RPGRIP1L: variants seen among roughly 807,000 people sequenced by gnomAD.
The protein encoded by RPGRIP1L is RPGRIP1 like, also known as protein fantom.
RPGRIP1L carries 131 observed loss-of-function variants against 160.4 expected under a neutral mutation model. The ratio of observed to expected loss-of-function variants is 0.82; its 90% CI spans 0.71 to 0.94. The LOEUF (loss-of-function observed/expected upper bound fraction) is 0.94, where lower values mean the gene tolerates loss of function less well. Among genes scored for constraint, RPGRIP1L ranks in the 40% least tolerant of loss-of-function variants. The pLI is 0.00. For missense variants in RPGRIP1L, 1,522 were observed against 1,535.8 expected, an observed-to-expected ratio of 0.99 and a Z score of 0.15; for synonymous variants, 510 against 515.8, an observed-to-expected ratio of 0.99 and a Z score of 0.15.
At chr16:53,629,382 T>TAGA (rs1243387866) in intron 22 of RPGRIP1L, among the ~76,000 whole-genome samples, 1 of 152,184 alleles carries the variant, frequency 6.6e-6, no homozygotes, top group Non-Finnish European at 1.5e-5. Context: ...ATAGAACTTC[T>TAGA]AATTCATTAG....
intron 9 of RPGRIP1L, among the ~76,000 whole-genome samples, chr16:53,668,066 C>CT (rs71144002): frequency 0.13 from 19,417 of 143,966 alleles, 1,606 homozygotes; most frequent in East Asian, 0.34. Context: ...TCTCTGTCTC[C>CT]TTTTTTTTTT....
intron 17 of RPGRIP1L, among the ~76,000 whole-genome samples, chr16:53,644,948 TAC>T (rs1460607639): frequency 1.3e-5 from 2 of 152,140 alleles, no homozygotes; most frequent in African/African-American, 4.8e-5. Context: ...AGTATAAATA[TAC>T]ATTTTATCTT....
At chr16:53,699,810 T>A (rs1025272306) in intron 2 of RPGRIP1L, among the ~76,000 whole-genome samples, 9 of 135,562 alleles carry the variant, frequency 6.6e-5, no homozygotes, top group African/African-American at 2.8e-4. Context: ...AGAGCGAGAC[T>A]TCGTCTCAAA....
chr16:53,652,781 C>T lies in RPGRIP1L; in HGVS notation c.1906G>A (p.Ala636Thr). Residue 636 changes from alanine to threonine, a missense_variant, in exon 15 of 27, where the codon GCT (alanine) becomes ACT (threonine). By Grantham distance (58) the Ala-to-Thr change is moderately conservative. Coordinates refer to ENST00000647211, the MANE Select transcript of RPGRIP1L (RefSeq NM_015272.5). Reference sequence around the variant, plus strand: ...GTCTGTAGTTCAAAATCATAGAAAGCATAGGTACAGAAAGTGACAGGCTCT... The same window carrying T: ...GTCTGTAGTTCAAAATCATAGAAAGTATAGGTACAGAAAGTGACAGGCTCT... ...DKEPVTFCTY[A>T]FYDFELQTTP... 4 of 1,614,084 alleles carry T rather than the reference C, an allele frequency of 2.5e-6. No homozygotes were observed. Among genetic ancestry groups the T allele is most frequent in the Non-Finnish European group, 3.4e-6 (4 of 1,179,988 alleles).
chr16:53,692,368 G>A lies in RPGRIP1L; in HGVS notation c.231-4C>T, dbSNP rs774628905. 1 of 1,612,876 alleles carries A rather than the reference G, an allele frequency of 6.2e-7. No homozygotes were observed. Among genetic ancestry groups the A allele is most frequent in the African/African-American group, 1.3e-5 (1 of 74,946 alleles). On this transcript the variant is annotated splice_region_variant and splice_polypyrimidine_tract_variant and intron_variant, in intron 3 of 26. Coordinates refer to ENST00000647211, the MANE Select transcript of RPGRIP1L (RefSeq NM_015272.5). ...CCGTATTAACTTGGTGGCCATTCTG[G>A]GGAAATAATAAAAAGATGAAAAGGA...
At chr16:53,619,803 T>A (rs988733462) in intron 23 of RPGRIP1L, among the ~76,000 whole-genome samples, 1 of 152,180 alleles carries the variant, frequency 6.6e-6, no homozygotes, top group Non-Finnish European at 1.5e-5. Context: ...AATTTGAACA[T>A]TTTCTCATAA....
chr16:53,680,320 C>T (rs1249536484), intron 6 of RPGRIP1L, among the ~76,000 whole-genome samples: 1 of 152,086 alleles, frequency 6.6e-6, no homozygotes, highest in East Asian at 1.9e-4. Context: ...ACAAGGTCTG[C>T]ATGGCTATCC....
chr16:53,673,939 T>G (rs1241107498), intron 7 of RPGRIP1L, among the ~76,000 whole-genome samples: 1 of 152,192 alleles, frequency 6.6e-6, no homozygotes. Context: ...CACTGTTAAA[T>G]AGAAATCAAA....
At chr16:53,657,969 TG>T (rs1013124235) in intron 12 of RPGRIP1L, among the ~76,000 whole-genome samples, 1 of 152,186 alleles carries the variant, frequency 6.6e-6, no homozygotes, top group Non-Finnish European at 1.5e-5. Context: ...GTAAAAGAAG[TG>T]TTTTTTTGTG....
chr16:53,654,478 A>G (rs1967082710), intron 14 of RPGRIP1L, among the ~76,000 whole-genome samples: 1 of 152,188 alleles, frequency 6.6e-6, no homozygotes. Context: ...TAAAGACTCC[A>G]TACCTACTGT....
chr16:53,653,766 T>C (rs1967005302), intron 14 of RPGRIP1L, among the ~76,000 whole-genome samples: 1 of 152,232 alleles, frequency 6.6e-6, no homozygotes, highest in Non-Finnish European at 1.5e-5. Context: ...ATTTTCTTAG[T>C]CTACATATTC....
intron 10 of RPGRIP1L, among the ~76,000 whole-genome samples, chr16:53,662,550 G>C (rs542984994): frequency 4.7e-4 from 71 of 152,196 alleles, no homozygotes; most frequent in Admixed American, 1.5e-3. Context: ...ACACTTCAAA[G>C]TAAAATTAAA....
At chr16:53,629,099 G>C (rs1265745129) in intron 22 of RPGRIP1L, among the ~76,000 whole-genome samples, 1 of 152,074 alleles carries the variant, frequency 6.6e-6, no homozygotes, top group Non-Finnish European at 1.5e-5. Context: ...AGGTGATTTT[G>C]ATATGCTACT....
chr16:53,603,307 A>G (rs1963480826), intron 26 of RPGRIP1L, among the ~76,000 whole-genome samples: 1 of 152,212 alleles, frequency 6.6e-6, no homozygotes, highest in Non-Finnish European at 1.5e-5. Flanking sequence ...GATAGCACTT[A>G]TCACTTATGA....
chr16:53,618,718 A>AT (rs923089039), intron 24 of RPGRIP1L, among the ~76,000 whole-genome samples: 26 of 150,664 alleles, frequency 1.7e-4, no homozygotes, highest in South Asian at 4.2e-4. Context: ...TAATTTTTGT[A>AT]TTTTTTTTTG....
In RPGRIP1L at chr16:53,696,275, T is replaced by C. The variant is rs867836079; in HGVS notation, c.106A>G (p.Met36Val). Residue 36 changes from methionine to valine, a missense_variant, in exon 3 of 27, where the codon ATG becomes GTG. By Grantham distance (21) the Met-to-Val change is conservative. Coordinates refer to ENST00000647211, the MANE Select transcript of RPGRIP1L (RefSeq NM_015272.5). Reference sequence around the variant, plus strand: ...CGTGACACTGCCTGGCGAGACTTCATTGTCCGTGTTGTTGAAGTTTCTGCA... The same window carrying C: ...CGTGACACTGCCTGGCGAGACTTCACTGTCCGTGTTGTTGAAGTTTCTGCA... ...GLQETSTTRT[M>V]KSRQAVSRVS... 3.7e-6 allele frequency: 6 copies of C among 1,613,938 alleles called. No homozygotes were observed. Among genetic ancestry groups the C allele is most frequent in the African/African-American group, 1.3e-5 (1 of 74,916 alleles).
At chr16:53,605,711 G>T in intron 25 of RPGRIP1L, 97 bp from the exon 26 acceptor site, 2 of 1,252,442 alleles carry the variant, frequency 1.6e-6, no homozygotes, top group Non-Finnish European at 2.3e-6. Flanking sequence ...GGTATAAAAT[G>T]TTAAAGTTTC....
At chr16:53,602,218 T>C (rs1173098242) in intron 26 of RPGRIP1L, 30 bp from the exon 27 acceptor site, 1 of 1,448,104 alleles carries the variant, frequency 6.9e-7, no homozygotes, top group South Asian at 1.1e-5. Flanking sequence ...AAAGTGTTAA[T>C]ATCATTCAAC....
chr16:53,676,491 C>T (rs1387850665), intron 6 of RPGRIP1L, among the ~76,000 whole-genome samples: 1 of 151,870 alleles, frequency 6.6e-6, no homozygotes, highest in African/African-American at 2.4e-5. Flanking sequence ...TTATTTGCCC[C>T]AGAATTACCT....
Sources: gnomAD v4.1 joint callset for allele counts (sites outside exome capture counted in the v4.1 genomes callset) on GRCh38, gnomAD v4.1.1 for gene constraint, MANE v1.5 for transcripts, NCBI Gene and HGNC (gene_info 2026-07-23, HGNC 2026-07-21) for gene names.